The following ZFAT variants were observed in gnomAD, a reference collection of about 807,000 sequenced individuals.
ZFAT encodes the protein zinc finger protein ZFAT.
ZFAT carries 64 observed loss-of-function variants against 117.7 expected under a neutral mutation model. The ratio of observed to expected loss-of-function variants is 0.54; its 90% CI spans 0.44 to 0.67. The LOEUF (loss-of-function observed/expected upper bound fraction) is 0.67. ZFAT is among the 30% of genes least tolerant of loss of function. The probability of loss-of-function intolerance (pLI) is 0.00; values close to 1 mark genes in which losing one functional copy is unlikely to be tolerated. For missense variants in ZFAT, 1,433 were observed against 1,584.5 expected (o/e 0.90, Z 1.62); for synonymous variants, 679 against 615.0 (o/e 1.10, Z -1.54).
At chr8:134,629,747 C>T (rs1343679055) in intron 3 of ZFAT, among the ~76,000 whole-genome samples, 1 of 152,204 alleles carries the variant, frequency 6.6e-6, no homozygotes, top group Non-Finnish European at 1.5e-5. Flanking sequence ...CCCAGTCATG[C>T]TTCCTGTTAA....
At position 134,608,754 on chromosome 8, in the gene ZFAT, A is replaced by G; in HGVS notation, c.760T>C (p.Tyr254His). 6.2e-7 allele frequency: 1 copy of G among 1,610,816 alleles called. No homozygotes were observed. The highest frequency in any genetic ancestry group is 8.5e-7 in the Non-Finnish European group (1 of 1,178,852). ...YQEYAIQQTP[Y>H]EQPMKSSRLG... ...CTGCTTGACTTCATTGGTTGCTCAT[A>G]AGGTGTCTGCTGAATGGCGTATTCC... Residue 254 changes from tyrosine (Y) to histidine (H), a missense_variant, in exon 5 of 16, where the codon TAT (tyrosine) becomes CAT (histidine). Transcript: ENST00000377838.
chr8:134,512,683 A>T, intron 13 of ZFAT, 82 bp from the exon 14 acceptor site: 1 of 1,511,834 alleles, frequency 6.6e-7, no homozygotes, highest in Non-Finnish European at 8.9e-7. Context: ...ACTAAGATAG[A>T]ACAAACGCAT....
intron 1 of ZFAT, among the ~76,000 whole-genome samples, chr8:134,683,676 C>T (rs1833176444): frequency 6.6e-6 from 1 of 151,826 alleles, no homozygotes; most frequent in African/African-American, 2.4e-5. Context: ...AGAGCTGTGG[C>T]GGCTCCACCA....
chr8:134,683,173 G>C (rs1354399075), intron 1 of ZFAT, among the ~76,000 whole-genome samples: 1 of 152,214 alleles, frequency 6.6e-6, no homozygotes, highest in Non-Finnish European at 1.5e-5. Context: ...TGGGGGCATG[G>C]AGGATACAAA....
chr8:134,670,200 G>A (rs1230989836), intron 1 of ZFAT, among the ~76,000 whole-genome samples: 1 of 152,206 alleles, frequency 6.6e-6, no homozygotes, highest in Admixed American at 6.5e-5. Flanking sequence ...CAACGAGACA[G>A]AAAGTTAACA....
chr8:134,721,547 G>A, the ZFAT span, among the ~76,000 whole-genome samples: 42 of 152,260 alleles, frequency 2.8e-4, no homozygotes, highest in East Asian at 1.9e-3. Context: ...TGCTGCACCC[G>A]ACGGCTCGCC....
chr8:134,597,524 C>T (rs933865102), intron 7 of ZFAT: 1 of 152,362 alleles, frequency 6.6e-6, no homozygotes, highest in Admixed American at 6.5e-5. Context: ...CTCCCAGGCC[C>T]TTTCCAGGAA....
intron 3 of ZFAT, among the ~76,000 whole-genome samples, chr8:134,616,388 T>G (rs916908219): frequency 2.0e-5 from 3 of 152,212 alleles, no homozygotes; most frequent in Non-Finnish European, 4.4e-5. Flanking sequence ...TGCTCACCAA[T>G]TTCCCTATAT....
chr8:134,533,203 A>C (rs1449543117), intron 11 of ZFAT, among the ~76,000 whole-genome samples: 1 of 152,220 alleles, frequency 6.6e-6, no homozygotes, highest in Admixed American at 6.5e-5. Flanking sequence ...GTCTCTACTA[A>C]GTGAATTTGC....
chr8:134,580,839 T>C (rs1420515476), intron 10 of ZFAT, among the ~76,000 whole-genome samples: 1 of 152,166 alleles, frequency 6.6e-6, no homozygotes, highest in Non-Finnish European at 1.5e-5. Context: ...TTAAATTTCA[T>C]AAATGTTATG....
At chr8:134,510,456 T>G (rs1351887253) in intron 14 of ZFAT, among the ~76,000 whole-genome samples, 1 of 152,158 alleles carries the variant, frequency 6.6e-6, no homozygotes, top group Non-Finnish European at 1.5e-5. Flanking sequence ...GCCAACATTT[T>G]CATCCTCATG....
intron 15 of ZFAT, among the ~76,000 whole-genome samples, chr8:134,496,477 C>G (rs1285069037): frequency 6.6e-6 from 1 of 152,232 alleles, no homozygotes; most frequent in African/African-American, 2.4e-5. Context: ...AGGCCTGCAG[C>G]TCCTGTGGTA....
Position 134,583,853 on chromosome 8 carries a change from T to G in ZFAT, c.2866A>C (p.Lys956Gln), listed in dbSNP as rs753297218. The G allele has an allele frequency of 6.2e-7, 1 of 1,613,746 alleles. No homozygotes were observed. Among genetic ancestry groups the G allele is most frequent in the South Asian group, 1.1e-5 (1 of 90,908 alleles). Residue 956 changes from lysine to glutamine, a missense_variant, in exon 10 of 16, where the codon AAA (lysine) becomes CAA (glutamine). Around this residue, in one of 5 missense-constraint regions of ZFAT, gnomAD observed 503 missense variants for 543.4 expected, o/e 0.93. Coordinates refer to ENST00000377838, the MANE Select transcript of ZFAT (RefSeq NM_020863.4). Reference protein sequence around the residue: ...FKSKGTLKSHKLLHTADGKQF... With the variant: ...FKSKGTLKSHQLLHTADGKQF... The stretch of plus-strand genomic sequence containing the variant: ...TCACCATCTGCAGTGTGAAGGAGTT[T>G]GTGACTTTTCAGTGTCCCTTTTGAT...
At chr8:134,600,205 T>A (rs933823914) in intron 7 of ZFAT, 2 of 556,852 alleles carry the variant, frequency 3.6e-6, no homozygotes, top group Non-Finnish European at 6.3e-6. Flanking sequence ...GCTAAAAAAA[T>A]TTGCACAGGA....
At position 134,478,095 on chromosome 8, in the gene ZFAT, T is replaced by G; in HGVS notation, c.*387A>C. On this transcript the variant is annotated 3_prime_UTR_variant, in exon 16 of 16. Coordinates refer to ENST00000377838, the MANE Select transcript of ZFAT (RefSeq NM_020863.4). The surrounding 1 kb of genome is among the most constrained non-coding windows in gnomAD (Gnocchi z 5.2). ...ACTGCATAGCGGTTGCAGATGAACA[T>G]TTGGCACCTAGATGGGGGTCAAGGA... The G allele has an allele frequency of 8.3e-6, 2 of 240,424 alleles. No homozygotes were observed. Among genetic ancestry groups the G allele is most frequent in the Non-Finnish European group, 8.2e-6 (1 of 121,296 alleles). 14.9% of individuals were successfully genotyped at this position (240,424 alleles called of 1,614,324 possible).
intron 1 of ZFAT, among the ~76,000 whole-genome samples, chr8:134,695,884 C>T (rs1346766941): frequency 4.6e-5 from 7 of 151,198 alleles, no homozygotes; most frequent in African/African-American, 1.7e-4. Context: ...GAGGTACCAC[C>T]ACCCCCAGGC....
chr8:134,724,696 A>C, the ZFAT span, among the ~76,000 whole-genome samples: 1 of 152,044 alleles, frequency 6.6e-6, no homozygotes, highest in African/African-American at 2.4e-5. Flanking sequence ...CCTGGGTATC[A>C]TTCTATCAGT....
chr8:134,781,092 G>C, the ZFAT span, among the ~76,000 whole-genome samples: 25 of 152,026 alleles, frequency 1.6e-4, 1 homozygote, highest in South Asian at 4.8e-3. Flanking sequence ...AGGTAGGGAA[G>C]GTATCATTAA....
At chr8:134,626,539 C>T (rs1315299262) in intron 3 of ZFAT, among the ~76,000 whole-genome samples, 2 of 152,260 alleles carry the variant, frequency 1.3e-5, no homozygotes, top group African/African-American at 4.8e-5. Context: ...GAAGAGGCAG[C>T]GTCACTGGGG....
Sources: gnomAD v4.1 joint callset for allele counts (sites outside exome capture counted in the v4.1 genomes callset) on GRCh38, gnomAD v4.1.1 for gene constraint, gnomAD v4.1.1 regional missense constraint, Gnocchi (gnomAD v3.1) non-coding constraint, MANE v1.5 for transcripts, NCBI Gene and HGNC (gene_info 2026-07-23, HGNC 2026-07-21) for gene names.